The following ABCA8 variants were observed in gnomAD, a reference collection of about 807,000 sequenced individuals.
ABCA8 encodes ABC-type organic anion transporter ABCA8.
Under a neutral mutation model 192.3 loss-of-function variants are expected in ABCA8, and 177 were observed. The ratio of observed to expected loss-of-function variants is 0.92; its 90% confidence interval spans 0.81 to 1.04. The LOEUF is 1.04. Among genes scored for constraint, ABCA8 ranks in the 50% least tolerant of loss-of-function variants. ABCA8 has a pLI of 0.00. For missense variants in ABCA8, 1,915 were observed against 1,904.8 expected (o/e 1.01, Z -0.10); for synonymous variants, 642 against 690.2 (o/e 0.93, Z 1.09).
In ABCA8 at chr17:68,871,554, A is replaced by G. The variant is rs564120325; in HGVS notation, c.4632-1775T>C. Among the ~76,000 whole-genome samples the G allele has an allele frequency of 2.9e-4, 44 of 152,304 alleles. No homozygotes were observed. The East Asian group carries it at 7.9e-3, about 27-fold the overall frequency. On this transcript the variant is annotated intron_variant, in intron 37 of 39. Coordinates refer to ENST00000586539, the MANE Select transcript of ABCA8 (RefSeq NM_001288985.2). ...TTCATTTGCATATCTTCTTTGGAGAAATGTCTATTCAAGTCCTTAGCACAT... is the reference window on the plus strand; with the variant it reads ...TTCATTTGCATATCTTCTTTGGAGAGATGTCTATTCAAGTCCTTAGCACAT...
Position 68,869,736 on chromosome 17 carries a change from G to A in ABCA8, c.4675C>T (p.Gln1559Ter), listed in dbSNP as rs776543207. 12 of 1,613,250 alleles carry A rather than the reference G, an allele frequency of 7.4e-6. No homozygotes were observed. The highest frequency in any genetic ancestry group is 1.0e-5 in the Non-Finnish European group (12 of 1,179,350). ...TTGAAGAAAGCTTGGGCTAAAGGTT[G>A]CACATCTTCCACTGGCAACTTATAA... is the stretch of plus-strand genomic sequence containing the variant. ...MVYKLPVEDVQPLAQAFFKLE... is the reference protein window; with the variant it reads ...MVYKLPVEDV Residue 1559 changes from glutamine to a stop codon, truncating the protein, a stop_gained, in exon 38 of 40, where the codon CAA becomes TAA. Transcript: ENST00000586539. LOFTEE classifies it high-confidence loss of function.
In ABCA8 at chr17:68,917,410, C is replaced by T. The variant is rs750758453; in HGVS notation, c.2089G>A (p.Gly697Ser). Reference sequence around the variant, plus strand: ...TTCTTCTTTAGAAACAAAGAAGAGCCCGCGCACTTTAGCTTCCCTTGGGAG... The same window carrying T: ...TTCTTCTTTAGAAACAAAGAAGAGCTCGCGCACTTTAGCTTCCCTTGGGAG... Reference protein sequence around the residue: ...FLSQGKLKCAGSSLFLKKKWG... With the variant: ...FLSQGKLKCASSSLFLKKKWG... The change falls in exon 17 of 40, where the codon GGC becomes AGC. Residue 697 changes from glycine (G) to serine (S), a missense_variant. Gly to Ser is a moderately conservative substitution (Grantham distance 56). Transcript: ENST00000586539. 3 of 1,612,014 alleles carry T rather than the reference C, an allele frequency of 1.9e-6. No homozygotes were observed. Among genetic ancestry groups the T allele is most frequent in the South Asian group, 1.1e-5 (1 of 90,796 alleles).
intron 17 of ABCA8, among the ~76,000 whole-genome samples, chr17:68,913,886 A>C (rs2067283851): frequency 6.6e-6 from 1 of 152,036 alleles, no homozygotes; most frequent in South Asian, 2.1e-4. Flanking sequence ...TATGACTGGA[A>C]TATTGATGTG....
intron 21 of ABCA8, among the ~76,000 whole-genome samples, chr17:68,901,679 G>C (rs888119379): frequency 6.6e-6 from 1 of 152,038 alleles, no homozygotes; most frequent in African/African-American, 2.4e-5. Flanking sequence ...GTGGTGGCAA[G>C]CTCCTGTAGT....
intron 2 of ABCA8, among the ~76,000 whole-genome samples, chr17:68,945,069 G>C (rs62087822): frequency 0.018 from 2,736 of 152,264 alleles, 35 homozygotes; most frequent in Non-Finnish European, 0.027. Flanking sequence ...GCAGTCTATG[G>C]ATGGGGGAAG....
chr17:68,921,567 C>A, intron 12 of ABCA8, 75 bp from the exon 13 acceptor site: 2 of 826,346 alleles, frequency 2.4e-6, no homozygotes, highest in Non-Finnish European at 3.8e-6. Context: ...AAAAATATTC[C>A]ATTATGGAGC....
chr17:68,942,348 G>T (rs890999248), intron 2 of ABCA8, among the ~76,000 whole-genome samples: 10 of 152,070 alleles, frequency 6.6e-5, no homozygotes, highest in Admixed American at 2.6e-4. Flanking sequence ...ACTTTCCTTT[G>T]CCAGCTGGCA....
chr17:68,929,313 T>C (rs1251517680), intron 8 of ABCA8, 79 bp from the exon 9 acceptor site: 1 of 1,226,614 alleles, frequency 8.2e-7, no homozygotes. Flanking sequence ...TACAAAATTA[T>C]AGTTATTTTG....
At chr17:68,925,048 CTACTA>C (rs2067660097) in intron 10 of ABCA8, among the ~76,000 whole-genome samples, 179 bp from the exon 11 acceptor site, 1 of 152,102 alleles carries the variant, frequency 6.6e-6, no homozygotes, top group African/African-American at 2.4e-5. Flanking sequence ...CCAGATGTCT[CTACTA>C]TAATAAATCC....
At chr17:68,887,904 A>ATATATG (rs2066515630) in intron 24 of ABCA8, among the ~76,000 whole-genome samples, 1 of 56,650 alleles carries the variant, frequency 1.8e-5, no homozygotes, top group Non-Finnish European at 2.8e-5. Context: ...ATATATATAT[A>ATATATG]TATCCATATA....
intron 5 of ABCA8, among the ~76,000 whole-genome samples, chr17:68,935,377 A>G (rs1156635685): frequency 1.3e-5 from 2 of 151,172 alleles, no homozygotes; most frequent in Non-Finnish European, 2.9e-5. Flanking sequence ...TTGGCCTCCC[A>G]AAGTGCTAGG....
intron 24 of ABCA8, among the ~76,000 whole-genome samples, chr17:68,888,864 T>A (rs2066558617): frequency 6.6e-6 from 1 of 152,090 alleles, no homozygotes; most frequent in South Asian, 2.1e-4. Flanking sequence ...GACAGAATGG[T>A]ATCTAACATG....
intron 12 of ABCA8, 28 bp from the exon 13 acceptor site, chr17:68,921,520 A>T: frequency 1.4e-6 from 2 of 1,477,520 alleles, no homozygotes; most frequent in South Asian, 1.2e-5. Context: ...AAGGAAAGAA[A>T]GATAAGATAA....
chr17:68,941,856 G>A (rs2068238517), intron 3 of ABCA8, 83 bp downstream of exon 3: 29 of 909,828 alleles, frequency 3.2e-5, no homozygotes, highest in Non-Finnish European at 4.9e-5. Context: ...TGTGTCGGGG[G>A]AGATACACAT....
At chr17:68,924,590 G>T in intron 11 of ABCA8, 111 bp downstream of exon 11, 1 of 1,185,080 alleles carries the variant, frequency 8.4e-7, no homozygotes. Context: ...CAGCATAGGT[G>T]AGGACAGGTG....
chr17:68,881,168 GC>G lies in ABCA8; in HGVS notation c.3989del (p.Ser1330ThrfsTer6). On this transcript the variant is annotated frameshift_variant, in exon 32 of 40. Coordinates refer to ENST00000586539, the MANE Select transcript of ABCA8 (RefSeq NM_001288985.2). LOFTEE classifies it high-confidence loss of function. ...GLLGHNGAGK[S>X]TSIKVITGDT... ...CTCCAGTTATCACCTTAATGGATGT[GC>G]TTTTACCAGCTCCATTGTGTCCTAA... 6.2e-7 allele frequency: 1 copy of G among 1,613,880 alleles called. No homozygotes were observed. The highest frequency in any genetic ancestry group is 8.5e-7 in the Non-Finnish European group (1 of 1,179,882).
chr17:68,936,262 T>C (rs1287775178), intron 5 of ABCA8, among the ~76,000 whole-genome samples: 1 of 152,134 alleles, frequency 6.6e-6, no homozygotes, highest in Admixed American at 6.5e-5. Context: ...TAGCCCAATG[T>C]CCAGAAGAGG....
At chr17:68,875,988 TA>T (rs1205281841) in intron 35 of ABCA8, among the ~76,000 whole-genome samples, 1 of 152,140 alleles carries the variant, frequency 6.6e-6, no homozygotes, top group Admixed American at 6.5e-5. Context: ...AGAGAAGTGC[TA>T]AGCAAGAGAG....
intron 17 of ABCA8, among the ~76,000 whole-genome samples, chr17:68,909,549 T>C (rs1950136837): frequency 6.6e-6 from 1 of 152,220 alleles, no homozygotes; most frequent in Non-Finnish European, 1.5e-5. Flanking sequence ...TATGTTTCCA[T>C]GCAGTGTGCC....
Sources: allele counts gnomAD v4.1 joint callset (sites outside exome capture counted in the v4.1 genomes callset), GRCh38; gene constraint gnomAD v4.1.1; transcripts MANE v1.5; gene names NCBI Gene and HGNC (gene_info 2026-07-23, HGNC 2026-07-21).